Variants in KRABD2 observed in about 807,000 individuals in gnomAD.
KRABD2 encodes KRAB domain-containing protein 2.
chr17:8,376,701 C>A, the KRABD2 span: 1 of 984,404 alleles, frequency 1.0e-6, no homozygotes, highest in Non-Finnish European at 1.2e-6. Flanking sequence ...CGAGCAGCAA[C>A]TCCGCCCCAC....
At chr17:8,368,050 T>C in the KRABD2 span, among the ~76,000 whole-genome samples, 1 of 150,400 alleles carries the variant, frequency 6.6e-6, no homozygotes, top group East Asian at 1.9e-4. Context: ...CCCAGGAGTT[T>C]GAGACCAGCC....
chr17:8,372,456 C>T, the KRABD2 span, among the ~76,000 whole-genome samples: 1 of 152,050 alleles, frequency 6.6e-6, no homozygotes, highest in Non-Finnish European at 1.5e-5. This position sits in a 1 kb window ranked among gnomAD's most constrained non-coding sequence, Gnocchi z 4.1. Flanking sequence ...CTCTAGTGAT[C>T]CACCTGCCTC....
chr17:8,363,844 T>TG, the KRABD2 span, among the ~76,000 whole-genome samples: 1 of 84,056 alleles, frequency 1.2e-5, no homozygotes, highest in Non-Finnish European at 2.4e-5. Flanking sequence ...TATATATATA[T>TG]ATATATATAT....
the KRABD2 span, chr17:8,376,573 G>A: frequency 1.0e-6 from 1 of 986,780 alleles, no homozygotes; most frequent in Non-Finnish European, 1.2e-6. Flanking sequence ...GCCAGCTCAG[G>A]GCTGAACGGC....
At chr17:8,371,204 C>T in the KRABD2 span, 2 of 1,068,090 alleles carry the variant, frequency 1.9e-6, no homozygotes, top group Non-Finnish European at 2.8e-6. Context: ...GGAGTCTGTC[C>T]TTATCTTGGG....
the KRABD2 span, among the ~76,000 whole-genome samples, chr17:8,361,069 C>T: frequency 2.6e-5 from 4 of 152,258 alleles, no homozygotes; most frequent in East Asian, 1.9e-4. Context: ...CAGAAGAAAA[C>T]GTTCCTTCTA....
At chr17:8,376,041 T>C in the KRABD2 span, 3 of 1,231,746 alleles carry the variant, frequency 2.4e-6, no homozygotes, top group East Asian at 6.3e-5. Context: ...CTCAACAACC[T>C]GTACCACACT....
chr17:8,376,410 A>G, the KRABD2 span: 1 of 1,111,844 alleles, frequency 9.0e-7, no homozygotes, highest in African/African-American at 1.6e-5. Context: ...AATGCAGATA[A>G]GGCACTTAAT....
the KRABD2 span, chr17:8,372,181 G>A: frequency 1.4e-4 from 58 of 422,420 alleles, no homozygotes; most frequent in Non-Finnish European, 1.7e-4. This position sits in a 1 kb window ranked among gnomAD's most constrained non-coding sequence, Gnocchi z 4.1. Context: ...CACTAAAAGG[G>A]CTTCAAACTC....
At chr17:8,361,651 G>A in the KRABD2 span, among the ~76,000 whole-genome samples, 26 of 152,114 alleles carry the variant, frequency 1.7e-4, no homozygotes, top group African/African-American at 6.3e-4. Context: ...TTGACCTCCT[G>A]GGCTCAAGAG....
At chr17:8,369,708 G>A in the KRABD2 span, 627 of 1,614,216 alleles carry the variant, frequency 3.9e-4, 2 homozygotes, top group East Asian at 6.1e-3. Context: ...CACCTCATGG[G>A]CCTGTTTGGT....
the KRABD2 span, chr17:8,371,259 C>T: frequency 1.4e-6 from 2 of 1,415,276 alleles, no homozygotes; most frequent in East Asian, 4.6e-5. Flanking sequence ...TGACGGTTTC[C>T]CCTTGACAAT....
At chr17:8,370,381 A>C in the KRABD2 span, 1 of 1,548,804 alleles carries the variant, frequency 6.5e-7, no homozygotes, top group Non-Finnish European at 8.7e-7. Context: ...AGCTGTAAGA[A>C]GGATCCTAAG....
At chr17:8,371,179 A>T in the KRABD2 span, 64 of 806,614 alleles carry the variant, frequency 7.9e-5, no homozygotes, top group East Asian at 7.8e-4. Flanking sequence ...AAAAAAAAAA[A>T]TTTCTTATGG....
chr17:8,362,327 C>T, the KRABD2 span, among the ~76,000 whole-genome samples: 1 of 145,092 alleles, frequency 6.9e-6, no homozygotes, highest in African/African-American at 2.6e-5. The surrounding 1 kb of genome is among the most constrained non-coding windows in gnomAD (Gnocchi z 4.2). Context: ...AAGATTCCAT[C>T]TCAAAAAAAA....
At chr17:8,367,522 G>T in the KRABD2 span, among the ~76,000 whole-genome samples, 1 of 149,918 alleles carries the variant, frequency 6.7e-6, no homozygotes, top group Non-Finnish European at 1.5e-5. Context: ...AATTAGCCAG[G>T]TGTGGCAGTG....
chr17:8,360,993 C>T, the KRABD2 span, among the ~76,000 whole-genome samples: 1 of 152,144 alleles, frequency 6.6e-6, no homozygotes, highest in African/African-American at 2.4e-5. Context: ...CCTTCCTTCT[C>T]AGTGCTAATG....
chr17:8,373,023 G>C, the KRABD2 span, among the ~76,000 whole-genome samples: 11 of 152,334 alleles, frequency 7.2e-5, no homozygotes, highest in East Asian at 2.1e-3. Context: ...TTCTACAGTA[G>C]AGTCCAGGGT....
At chr17:8,374,399 G>A in the KRABD2 span, among the ~76,000 whole-genome samples, 1 of 152,060 alleles carries the variant, frequency 6.6e-6, no homozygotes, top group Non-Finnish European at 1.5e-5. Flanking sequence ...TGCAAGATGT[G>A]CTTTGTTAAA....
Sources: allele counts gnomAD v4.1 joint callset (sites outside exome capture counted in the v4.1 genomes callset), GRCh38; gene constraint gnomAD v4.1.1; non-coding constraint Gnocchi (gnomAD v3.1); transcripts MANE v1.5; gene names NCBI Gene and HGNC (gene_info 2026-07-23, HGNC 2026-07-21).